The following FAT3 variants were observed in gnomAD, a reference collection of about 807,000 sequenced individuals.
FAT3 encodes the protein FAT atypical cadherin 3.
FAT3 carries 95 observed loss-of-function variants against 310.2 expected under a neutral mutation model. The observed-to-expected ratio is 0.31, with a 90% CI of 0.26 to 0.36. The LOEUF is 0.36. FAT3 is among the 10% of genes least tolerant of loss of function. FAT3 has a pLI of 1.00. For synonymous variants in FAT3, 2,314 were observed against 2,192.9 expected (o/e 1.06, Z -1.54); for missense variants, 5,408 against 5,715.6 (o/e 0.95, Z 1.74).
intron 1 of FAT3, among the ~76,000 whole-genome samples, chr11:92,344,834 G>A (rs1948366553): frequency 6.6e-6 from 1 of 152,124 alleles, no homozygotes. Context: ...CATTCACTGG[G>A]TGTCTTGAAA....
intron 19 of FAT3, among the ~76,000 whole-genome samples, chr11:92,848,481 C>T (rs943410309): frequency 3.3e-5 from 5 of 152,164 alleles, no homozygotes; most frequent in African/African-American, 7.2e-5. Flanking sequence ...AGGGGTGTCA[C>T]GGCAGCCTAT....
intron 3 of FAT3, among the ~76,000 whole-genome samples, chr11:92,565,155 A>G (rs1955382370): frequency 7.0e-6 from 1 of 143,050 alleles, no homozygotes; most frequent in African/African-American, 2.5e-5. Context: ...CTAATAAAGA[A>G]AAAAAGAGAG....
intron 3 of FAT3, among the ~76,000 whole-genome samples, chr11:92,679,592 C>T (rs1421296263): frequency 6.6e-6 from 1 of 151,800 alleles, no homozygotes; most frequent in Non-Finnish European, 1.5e-5. Flanking sequence ...CCTGTAATCC[C>T]AGAACTTTGG....
chr11:92,767,371 T>G (rs375341946), intron 6 of FAT3, among the ~76,000 whole-genome samples: 2 of 151,908 alleles, frequency 1.3e-5, no homozygotes, highest in East Asian at 3.9e-4. Context: ...CTGATTTTTC[T>G]CCCTCCTCCT....
chr11:92,853,449 C>T (rs757362453), intron 19 of FAT3, among the ~76,000 whole-genome samples: 1 of 152,222 alleles, frequency 6.6e-6, no homozygotes, highest in African/African-American at 2.4e-5. Flanking sequence ...CTTTTCTCTC[C>T]TTCTTGTCGC....
chr11:92,800,006 C>T lies in FAT3; in HGVS notation c.6993C>T (p.Tyr2331=). The T allele has an allele frequency of 1.2e-6, 2 of 1,613,900 alleles. No individual in the cohort carries two copies. The highest frequency in any genetic ancestry group is 8.5e-7 in the Non-Finnish European group (1 of 1,179,860). The part of the protein sequence containing the change: ...MVHYQIVQDT[Y]NSTDYFHIDS... ...ATTATCAGATTGTCCAGGATACCTA[C>T]AATAGCACAGATTATTTTCACATAG... The change falls in exon 10 of 28, where the codon TAC becomes TAT. Residue 2331 remains tyrosine (Y), a synonymous_variant. Transcript: ENST00000525166.
At chr11:92,603,737 A>G (rs983737932) in intron 3 of FAT3, among the ~76,000 whole-genome samples, 1 of 152,218 alleles carries the variant, frequency 6.6e-6, no homozygotes, top group Non-Finnish European at 1.5e-5. Flanking sequence ...GAAAAGCTGT[A>G]AACAGTCCAC....
intron 3 of FAT3, among the ~76,000 whole-genome samples, chr11:92,527,109 G>T (rs549841025): frequency 2.6e-5 from 4 of 152,292 alleles, no homozygotes; most frequent in African/African-American, 9.6e-5. Flanking sequence ...GGGAGTGATG[G>T]TCAGGGAGGG....
chr11:92,798,091 T>C lies in FAT3; in HGVS notation c.5078T>C (p.Ile1693Thr). 1 of 1,613,922 alleles carries C rather than the reference T, an allele frequency of 6.2e-7. No homozygotes were observed. Among genetic ancestry groups the C allele is most frequent in the Non-Finnish European group, 8.5e-7 (1 of 1,179,868 alleles). The change falls in exon 10 of 28, where the codon ATC (isoleucine) becomes ACC (threonine). Residue 1693 changes from isoleucine to threonine, a missense_variant. Physicochemically the swap from Ile to Thr is moderately conservative, Grantham distance 89. Transcript: ENST00000525166. The stretch of plus-strand genomic sequence containing the variant: ...GACATTGGAACATCAGTCATTCTAA[T>C]CTCTGCCATCAGTCAATCTACCCTC... ...NVDIGTSVIL[I>T]SAISQSTLIY...
chr11:92,297,903 G>T (rs926526153), intron 1 of FAT3, among the ~76,000 whole-genome samples: 1 of 152,044 alleles, frequency 6.6e-6, no homozygotes, highest in East Asian at 1.9e-4. Context: ...GAATATTTTG[G>T]GAAAGTGGGA....
Position 92,429,767 on chromosome 11 carries a change from C to T in FAT3, c.3292+74363C>T, listed in dbSNP as rs192257754. 2.5e-3 allele frequency among the ~76,000 whole-genome samples: 379 copies of T among 152,234 alleles called. 1 individual carries two copies. The highest frequency in any genetic ancestry group is 7.7e-3 in the South Asian group (37 of 4,824). The stretch of plus-strand genomic sequence containing the variant: ...TCTGCTTTTAGTATGATGGGCTTCC[C>T]TTTGTGGGTAACCCAACCTTTCTCT... On this transcript the variant is annotated intron_variant, in intron 2 of 27. Coordinates refer to ENST00000525166, the MANE Select transcript of FAT3 (RefSeq NM_001367949.2).
At chr11:92,486,560 T>TA (rs879522512) in intron 2 of FAT3, among the ~76,000 whole-genome samples, 17 of 152,154 alleles carry the variant, frequency 1.1e-4, no homozygotes, top group South Asian at 4.1e-4. Flanking sequence ...AGTGCAATTT[T>TA]AAAAAATCCC....
chr11:92,822,779 C>A (rs1228221430), intron 13 of FAT3, among the ~76,000 whole-genome samples: 1 of 152,176 alleles, frequency 6.6e-6, no homozygotes, highest in Non-Finnish European at 1.5e-5. Flanking sequence ...TGGTAACTTG[C>A]AGTTGCCTCT....
intron 3 of FAT3, among the ~76,000 whole-genome samples, chr11:92,632,727 A>G (rs1470955225): frequency 2.0e-5 from 3 of 152,176 alleles, no homozygotes; most frequent in Non-Finnish European, 4.4e-5. Context: ...TGCAGGTTCA[A>G]TGGCAGGAGG....
At chr11:92,460,548 G>A (rs2135106755) in intron 2 of FAT3, among the ~76,000 whole-genome samples, 1 of 152,340 alleles carries the variant, frequency 6.6e-6, no homozygotes, top group East Asian at 1.9e-4. Flanking sequence ...AGGCAAGAGA[G>A]CATTTGTATG....
At chr11:92,828,961 G>C (rs749971857) in intron 13 of FAT3, among the ~76,000 whole-genome samples, 1 of 152,144 alleles carries the variant, frequency 6.6e-6, no homozygotes, top group African/African-American at 2.4e-5. Flanking sequence ...TTCCCTTCTG[G>C]CCTTGCTGCT....
intron 13 of FAT3, among the ~76,000 whole-genome samples, 169 bp downstream of exon 13, chr11:92,810,245 G>T (rs902500748): frequency 2.0e-5 from 3 of 152,196 alleles, no homozygotes; most frequent in East Asian, 3.9e-4. Flanking sequence ...TCATATGCAT[G>T]AGAAAAGTCT....
chr11:92,597,914 C>A lies in FAT3; in HGVS notation c.3607+72966C>A, dbSNP rs78396136. 7.7e-3 allele frequency among the ~76,000 whole-genome samples: 1,168 copies of A among 152,162 alleles called. 14 individuals carry two copies. Among genetic ancestry groups the A allele is most frequent in the African/African-American group, 0.026 (1,089 of 41,520 alleles). On this transcript the variant is annotated intron_variant, in intron 3 of 27. Transcript: ENST00000525166. ...TAAGAGAACAGTCTCTGCAGGATATCTTTTTCTTTGAAGCTTATGGTTGGA... is the reference window on the plus strand; with the variant it reads ...TAAGAGAACAGTCTCTGCAGGATATATTTTTCTTTGAAGCTTATGGTTGGA...
chr11:92,671,494 C>T (rs1943127029), intron 3 of FAT3, among the ~76,000 whole-genome samples: 2 of 152,206 alleles, frequency 1.3e-5, no homozygotes, highest in South Asian at 4.1e-4. Context: ...CCCCCGTCCT[C>T]AGCTTGACTA....
Sources: gnomAD v4.1 joint callset for allele counts (sites outside exome capture counted in the v4.1 genomes callset) on GRCh38, gnomAD v4.1.1 for gene constraint, MANE v1.5 for transcripts, NCBI Gene and HGNC (gene_info 2026-07-23, HGNC 2026-07-21) for gene names.